Variants in ADGRV1 observed in about 807,000 individuals in gnomAD.
ADGRV1 encodes the protein G-protein coupled receptor 98.
Under a neutral mutation model 596.2 loss-of-function variants are expected in ADGRV1, and 359 were observed. The observed-to-expected ratio is 0.60, with a 90% CI of 0.55 to 0.66. ADGRV1 has a LOEUF of 0.66. Among genes scored for constraint, ADGRV1 ranks in the 30% least tolerant of loss-of-function variants. ADGRV1 has a pLI of 0.00. For synonymous variants in ADGRV1, 2,681 were observed against 2,679.2 expected, an observed-to-expected ratio of 1.00 and a Z score of -0.02; for missense variants, 7,274 against 7,575.6, an observed-to-expected ratio of 0.96 and a Z score of 1.48.
intron 22 of ADGRV1, 64 bp downstream of exon 22, chr5:90,672,786 C>G: frequency 8.2e-7 from 1 of 1,226,434 alleles, no homozygotes; most frequent in Non-Finnish European, 1.1e-6. Context: ...AGTGTTTGTT[C>G]TGTAATTTCT....
Position 90,704,463 on chromosome 5 carries a change from C to G in ADGRV1, c.8361C>G (p.Val2787=). 1 of 1,570,282 alleles carries G rather than the reference C, an allele frequency of 6.4e-7. No homozygotes were observed. The highest frequency in any genetic ancestry group is 2.3e-5 in the East Asian group (1 of 43,428). ...CTGAGGAGAAAGAAGTATACCAAGT[C>G]ATTCTGTATGATGTCAGGACACAAG... ...NIPEEKEVYQ[V]ILYDVRTQGV... Residue 2787 remains valine, a synonymous_variant, in exon 36 of 90, where the codon GTC becomes GTG. Coordinates refer to ENST00000405460, the MANE Select transcript of ADGRV1 (RefSeq NM_032119.4).
chr5:90,710,607 G>C (rs981657492), intron 39 of ADGRV1, among the ~76,000 whole-genome samples: 1 of 146,374 alleles, frequency 6.8e-6, no homozygotes, highest in Non-Finnish European at 1.5e-5. Flanking sequence ...ATTTTTTTTT[G>C]CTCTTTCTAC....
intron 85 of ADGRV1, among the ~76,000 whole-genome samples, chr5:91,065,047 CA>C (rs1240018787): frequency 6.6e-6 from 1 of 152,170 alleles, no homozygotes; most frequent in Non-Finnish European, 1.5e-5. Flanking sequence ...GAATTAATAA[CA>C]TCTGTATTCT....
chr5:91,103,363 C>T (rs878894326), intron 87 of ADGRV1, among the ~76,000 whole-genome samples: 9 of 151,222 alleles, frequency 6.0e-5, no homozygotes, highest in African/African-American at 1.5e-4. Flanking sequence ...GAAGACAGTC[C>T]GGCCTCTCTG....
Position 91,113,421 on chromosome 5 carries a change from A to G in ADGRV1, c.18432+11081A>G, listed in dbSNP as rs568502530. Among the ~76,000 whole-genome samples the G allele has an allele frequency of 2.0e-4, 31 of 152,270 alleles. No individual in the cohort carries two copies. In the East Asian group the frequency reaches 5.4e-3, roughly 27 times the overall value. On this transcript the variant is annotated intron_variant, in intron 87 of 89. Coordinates refer to ENST00000405460, the MANE Select transcript of ADGRV1 (RefSeq NM_032119.4). ...GATAAGTTCAAATTTTTCCCTCTTA[A>G]GAGAATTTAATTTCTTTTGGAAGGC...
chr5:90,683,560 AG>A (rs751051449), intron 27 of ADGRV1, 25 bp from the exon 28 acceptor site: 1 of 1,511,552 alleles, frequency 6.6e-7, no homozygotes, highest in African/African-American at 1.4e-5. Flanking sequence ...CTCTTTTAAT[AG>A]ATTTTAATAT....
intron 85 of ADGRV1, among the ~76,000 whole-genome samples, chr5:91,035,845 T>TGTATATATATATATATAAA (rs1562121481): frequency 1.7e-3 from 54 of 32,492 alleles, no homozygotes; most frequent in East Asian, 0.011. Context: ...AATGAGTGTG[T>TGTATATATATATATATAAA]ATATATATAT....
intron 52 of ADGRV1, among the ~76,000 whole-genome samples, chr5:90,749,017 C>T (rs545126318): frequency 3.0e-4 from 46 of 152,268 alleles, no homozygotes; most frequent in Non-Finnish European, 6.0e-4. Context: ...GCTGGGCTTC[C>T]TGGGGTGAGA....
chr5:91,089,120 AATAATAATAAGCCTTTATATAACACAGAT>A (rs1790161295), intron 86 of ADGRV1, among the ~76,000 whole-genome samples: 2 of 152,164 alleles, frequency 1.3e-5, no homozygotes, highest in South Asian at 4.1e-4. Context: ...TTAAAAGGGT[AATAATAATAAGCCTTTATATAACACAGAT>A]ATCAAAGAGC....
intron 83 of ADGRV1, among the ~76,000 whole-genome samples, chr5:90,898,539 A>T (rs1185568361): frequency 6.6e-6 from 1 of 152,174 alleles, no homozygotes; most frequent in African/African-American, 2.4e-5. Flanking sequence ...AGCAAATATC[A>T]TCATTGGGAT....
chr5:91,014,136 C>CACACACACACACACACACACACACACA (rs1782962720), intron 85 of ADGRV1, among the ~76,000 whole-genome samples: 6 of 35,696 alleles, frequency 1.7e-4, no homozygotes, highest in African/African-American at 3.5e-4. Flanking sequence ...TTCACAATTG[C>CACACACACACACACACACACACACACA]CACACACACA....
intron 83 of ADGRV1, among the ~76,000 whole-genome samples, chr5:90,936,512 A>T (rs1775704568): frequency 1.3e-5 from 2 of 152,006 alleles, no homozygotes; most frequent in South Asian, 4.1e-4. Flanking sequence ...TCAAAAACCA[A>T]GCTTATGGTT....
intron 32 of ADGRV1, 69 bp from the exon 33 acceptor site, chr5:90,693,821 A>G: frequency 3.9e-6 from 4 of 1,030,888 alleles, no homozygotes; most frequent in Non-Finnish European, 5.6e-6. Flanking sequence ...CACAGTCAGC[A>G]TTCCTCTTCT....
rs1036178924 is a variant in ADGRV1, at chr5:90,689,810, T to A, written c.6491-51T>A. 12 of 1,289,328 alleles carry A rather than the reference T, an allele frequency of 9.3e-6. No homozygotes were observed. In the Admixed American group the frequency reaches 9.8e-5, roughly 10 times the overall value. 79.9% of individuals were successfully genotyped at this position (1,289,328 alleles called of 1,614,324 possible). A position where few individuals can be genotyped will look rare whatever the true frequency, so the allele number is the denominator to read the frequency against. ...GATAGTTTTTCCCTAGTATATGGAA[T>A]GTTTTGATCATATTTTAGAAGTCTT... On this transcript the variant is annotated intron_variant, in intron 29 of 89. Transcript: ENST00000405460.
rs76578433 is a variant in ADGRV1, at chr5:90,582,257, C to A, written c.22+23340C>A. On this transcript the variant is annotated intron_variant, in intron 1 of 89. Coordinates refer to ENST00000405460, the MANE Select transcript of ADGRV1 (RefSeq NM_032119.4). The stretch of plus-strand genomic sequence containing the variant: ...CCAGAATTTCTTTGTTAATTTTTTG[C>A]CTCAATGATCTGTCTAACACTGTCA... 3.3e-5 allele frequency among the ~76,000 whole-genome samples: 5 copies of A among 152,022 alleles called. No individual in the cohort carries two copies. In the East Asian group the frequency reaches 9.7e-4, roughly 29 times the overall value.
chr5:91,059,084 A>G (rs939481827), intron 85 of ADGRV1, among the ~76,000 whole-genome samples: 2 of 152,166 alleles, frequency 1.3e-5, no homozygotes, highest in African/African-American at 2.4e-5. Context: ...TACTGTATAC[A>G]TAGGAGGATT....
At chr5:91,070,627 T>C (rs1292795003) in intron 85 of ADGRV1, among the ~76,000 whole-genome samples, 1 of 152,236 alleles carries the variant, frequency 6.6e-6, no homozygotes, top group African/African-American at 2.4e-5. Flanking sequence ...CAAGATTTTA[T>C]GTAAAGCGCA....
At chr5:90,937,454 ATTTTTT>A (rs60263347) in intron 83 of ADGRV1, among the ~76,000 whole-genome samples, 3 of 105,032 alleles carry the variant, frequency 2.9e-5, no homozygotes, top group Admixed American at 1.0e-4. Flanking sequence ...CAGTAACTGT[ATTTTTT>A]TTTTTTTTTT....
intron 59 of ADGRV1, among the ~76,000 whole-genome samples, chr5:90,767,178 A>G (rs191004425): frequency 1.3e-5 from 2 of 152,232 alleles, no homozygotes; most frequent in African/African-American, 4.8e-5. Context: ...GATAATACAC[A>G]GTTAAAGTAA....
Sources: gnomAD v4.1 joint callset for allele counts (sites outside exome capture counted in the v4.1 genomes callset) on GRCh38, gnomAD v4.1.1 for gene constraint, MANE v1.5 for transcripts, NCBI Gene and HGNC (gene_info 2026-07-23, HGNC 2026-07-21) for gene names.